The following SRGAP2C variants were observed in gnomAD, a reference collection of about 807,000 sequenced individuals.
SRGAP2C encodes the protein SLIT-ROBO Rho GTPase-activating protein 2C.
SRGAP2C carries 15 observed loss-of-function variants against 25.1 expected under a neutral mutation model. The observed-to-expected ratio is 0.60, with a 90% CI of 0.40 to 0.92. SRGAP2C has a LOEUF of 0.92. Ranked by LOEUF, SRGAP2C falls within the 40% of genes least tolerant of loss-of-function variation. The pLI is 0.00. For synonymous variants in SRGAP2C, 44 were observed against 96.6 expected (o/e 0.46, Z 3.19); for missense variants, 144 against 264.4 (o/e 0.54, Z 3.16).
chr1:121,346,856 C>T (rs1219696162), intron 4 of SRGAP2C, among the ~76,000 whole-genome samples: 42 of 151,682 alleles, frequency 2.8e-4, no homozygotes, highest in African/African-American at 9.4e-4. Context: ...AATTTCAACA[C>T]ACATTCAAAT....
chr1:121,286,036 C>T (rs1427527776), intron 3 of SRGAP2C, among the ~76,000 whole-genome samples: 2 of 152,142 alleles, frequency 1.3e-5, no homozygotes, highest in Non-Finnish European at 2.9e-5. Flanking sequence ...AGAAAGTTTA[C>T]AAATTTCCGT....
At chr1:121,223,351 TTGTGTGTGTGTGTGTGTG>T (rs56123915) in intron 2 of SRGAP2C, among the ~76,000 whole-genome samples, 2 of 64,834 alleles carry the variant, frequency 3.1e-5, no homozygotes, top group African/African-American at 1.5e-4. Context: ...TGGGAGGAGT[TTGTGTGTGTGTGTGTGTG>T]TGTGTGTGTG....
chr1:121,265,266 AT>A (rs1217667750), intron 2 of SRGAP2C, among the ~76,000 whole-genome samples: 16 of 130,978 alleles, frequency 1.2e-4, no homozygotes, highest in African/African-American at 4.0e-4. Context: ...AATTTAAAAA[AT>A]AATGTCATTA....
chr1:121,305,218 A>G (rs1240959339), intron 3 of SRGAP2C, among the ~76,000 whole-genome samples: 26 of 151,904 alleles, frequency 1.7e-4, no homozygotes, highest in Non-Finnish European at 3.4e-4. Context: ...CAGCATCAGC[A>G]TCAGCATCTG....
intron 5 of SRGAP2C, among the ~76,000 whole-genome samples, chr1:121,372,866 TAC>T (rs1553351512): frequency 1.4e-5 from 1 of 70,190 alleles, no homozygotes; most frequent in African/African-American, 6.3e-5. Flanking sequence ...ACTCCTGTGT[TAC>T]ACACACACAT....
chr1:121,212,172 C>A (rs1373816421), intron 2 of SRGAP2C, among the ~76,000 whole-genome samples: 1 of 121,700 alleles, frequency 8.2e-6, no homozygotes, highest in Non-Finnish European at 1.7e-5. Flanking sequence ...GCTCTGTCGC[C>A]CAGGCTGGAG....
chr1:121,196,918 C>A (rs1392710427), intron 2 of SRGAP2C, among the ~76,000 whole-genome samples: 1 of 150,716 alleles, frequency 6.6e-6, no homozygotes, highest in Non-Finnish European at 1.5e-5. Flanking sequence ...GTATCTTGCA[C>A]AATGTCACCA....
At chr1:121,363,665 T>TA (rs1381022996) in intron 4 of SRGAP2C, among the ~76,000 whole-genome samples, 1 of 151,420 alleles carries the variant, frequency 6.6e-6, no homozygotes, top group East Asian at 1.9e-4. Context: ...TGGCATTTTT[T>TA]ATCACAAAAA....
chr1:121,288,897 T>C (rs1553337211), intron 3 of SRGAP2C, among the ~76,000 whole-genome samples: 26 of 61,024 alleles, frequency 4.3e-4, no homozygotes, highest in South Asian at 8.1e-4. Context: ...ACGTCCTCAC[T>C]AGAGCAACTA....
chr1:121,315,203 G>A, intron 3 of SRGAP2C: 2 of 409,788 alleles, frequency 4.9e-6, no homozygotes, highest in Non-Finnish European at 9.2e-6. Context: ...TCATTTACAG[G>A]CACAATCATT....
At chr1:121,258,729 TCA>T (rs1405183611) in intron 2 of SRGAP2C, among the ~76,000 whole-genome samples, 1 of 111,870 alleles carries the variant, frequency 8.9e-6, no homozygotes, top group Non-Finnish European at 1.8e-5. Flanking sequence ...TTGGTGACTT[TCA>T]CAGTCTGGCT....
At chr1:121,268,211 T>C (rs1656849309) in intron 2 of SRGAP2C, among the ~76,000 whole-genome samples, 1 of 149,328 alleles carries the variant, frequency 6.7e-6, no homozygotes, top group Admixed American at 6.7e-5. Flanking sequence ...TCAGATGGAG[T>C]GGTCACAAAG....
At chr1:121,188,252 C>A (rs1388337672) in intron 2 of SRGAP2C, among the ~76,000 whole-genome samples, 1 of 152,206 alleles carries the variant, frequency 6.6e-6, no homozygotes, top group Non-Finnish European at 1.5e-5. Flanking sequence ...CTCCGGAAGA[C>A]ATGCTTTTAA....
At position 121,213,705 on chromosome 1, in the gene SRGAP2C, C is replaced by T. The variant is rs1448288605; in HGVS notation, c.67+26192C>T. ...AGTAGCCAGATGGCCTGGGCGCTCA[C>T]AGTAAGTTACGTTTACATAGTGGAG... On this transcript the variant is annotated intron_variant, in intron 2 of 9. Transcript: ENST00000367123. Among the ~76,000 whole-genome samples, 2 of 73,984 alleles carry T rather than the reference C, an allele frequency of 2.7e-5. 1 individual carries two copies. The highest frequency in any genetic ancestry group is 1.4e-4 in the African/African-American group (2 of 14,770). The allele number at this position is 73,984 out of a possible 152,430, so 48.5% of individuals were successfully genotyped here.
In SRGAP2C at chr1:121,266,389, G is replaced by T. The variant is rs142908500; in HGVS notation, c.68-18414G>T. On this transcript the variant is annotated intron_variant, in intron 2 of 9. Transcript: ENST00000367123. ...TCATACCATCTTGGCCTAAGTGGTG[G>T]TTGCAAAACCACCATGGCCTAGATA... Among the ~76,000 whole-genome samples, 858 of 151,462 alleles carry T rather than the reference G, an allele frequency of 5.7e-3. 20 individuals are homozygous for T. In the East Asian group the frequency reaches 0.085, roughly 15 times the overall value.
chr1:121,339,252 CTTTT>C (rs1185472819), intron 4 of SRGAP2C, among the ~76,000 whole-genome samples: 1 of 89,636 alleles, frequency 1.1e-5, no homozygotes, highest in Non-Finnish European at 2.1e-5. Context: ...GCTATGTTGT[CTTTT>C]TTTTTTTTTT....
intron 2 of SRGAP2C, among the ~76,000 whole-genome samples, chr1:121,213,254 C>T: frequency 6.7e-6 from 1 of 149,042 alleles, no homozygotes; most frequent in East Asian, 2.0e-4. Flanking sequence ...CCATGTTGGG[C>T]AGGCTGGTCT....
chr1:121,304,159 C>T (rs1346653686), intron 3 of SRGAP2C, among the ~76,000 whole-genome samples: 13 of 144,616 alleles, frequency 9.0e-5, no homozygotes, highest in African/African-American at 3.3e-4. Flanking sequence ...TGCAGTGAGC[C>T]GAGATCGTGC....
chr1:121,244,314 A>G (rs1370970064), intron 2 of SRGAP2C, among the ~76,000 whole-genome samples: 1 of 114,306 alleles, frequency 8.7e-6, no homozygotes, highest in South Asian at 2.7e-4. Flanking sequence ...TGGTAAAAAA[A>G]TAAATGTATG....
Sources: allele counts gnomAD v4.1 joint callset (sites outside exome capture counted in the v4.1 genomes callset), GRCh38; gene constraint gnomAD v4.1.1; transcripts MANE v1.5; gene names NCBI Gene and HGNC (gene_info 2026-07-23, HGNC 2026-07-21).